NRXN3: variants seen among roughly 807,000 people sequenced by gnomAD.
The protein encoded by NRXN3 is neurexin III.
Under a neutral mutation model 137.6 loss-of-function variants are expected in NRXN3, and 32 were observed. That is an observed-to-expected ratio of 0.23 (90% CI 0.18 to 0.31). The LOEUF (loss-of-function observed/expected upper bound fraction) is 0.31. Among genes scored for constraint, NRXN3 ranks in the 10% least tolerant of loss-of-function variants. The pLI is 1.00. For missense variants in NRXN3, 1,574 were observed against 2,062.5 expected (o/e 0.76, Z 4.59); for synonymous variants, 798 against 784.5 (o/e 1.02, Z -0.29).
intron 17 of NRXN3, among the ~76,000 whole-genome samples, chr14:79,682,830 T>C (rs1449431890): frequency 6.6e-6 from 1 of 152,152 alleles, no homozygotes; most frequent in Non-Finnish European, 1.5e-5. Flanking sequence ...TTTATTTAAT[T>C]ATAAAATGGG....
At chr14:79,826,113 A>G (rs997422343) in intron 20 of NRXN3, among the ~76,000 whole-genome samples, 17 of 151,938 alleles carry the variant, frequency 1.1e-4, no homozygotes, top group African/African-American at 4.1e-4. Context: ...TTCCTGCCTC[A>G]GGCTCCTGAG....
chr14:79,839,812 T>C (rs1054946835), intron 20 of NRXN3, among the ~76,000 whole-genome samples: 2 of 152,200 alleles, frequency 1.3e-5, no homozygotes, highest in African/African-American at 4.8e-5. Context: ...AATCAAATCA[T>C]TCAGACCAAC....
intron 15 of NRXN3, among the ~76,000 whole-genome samples, chr14:79,031,803 T>C (rs990626918): frequency 2.6e-5 from 4 of 152,204 alleles, no homozygotes; most frequent in African/African-American, 4.8e-5. Flanking sequence ...GTTAAAAACA[T>C]GGATCTTCAT....
At chr14:79,813,340 A>G (rs1464473481) in intron 20 of NRXN3, among the ~76,000 whole-genome samples, 1 of 152,152 alleles carries the variant, frequency 6.6e-6, no homozygotes, top group Non-Finnish European at 1.5e-5. Flanking sequence ...ATTCCTGTGT[A>G]TATATATAAA....
chr14:78,583,020 CT>C (rs2097019127), intron 4 of NRXN3, among the ~76,000 whole-genome samples: 1 of 152,134 alleles, frequency 6.6e-6, no homozygotes, highest in Non-Finnish European at 1.5e-5. Flanking sequence ...GAGATCCCAG[CT>C]GCTGACCCTC....
chr14:79,416,627 GT>G (rs1281850983), intron 15 of NRXN3, among the ~76,000 whole-genome samples: 8 of 152,068 alleles, frequency 5.3e-5, no homozygotes, highest in Non-Finnish European at 1.2e-4. Context: ...TGATTTCTCA[GT>G]TCTGTTATTA....
At chr14:78,488,421 G>T (rs913150867) in intron 4 of NRXN3, among the ~76,000 whole-genome samples, 1 of 152,150 alleles carries the variant, frequency 6.6e-6, no homozygotes, top group African/African-American at 2.4e-5. Context: ...CAATTCTAGA[G>T]ATTGCTTTAG....
chr14:79,006,673 C>T (rs999007505), intron 15 of NRXN3, among the ~76,000 whole-genome samples: 2 of 151,782 alleles, frequency 1.3e-5, no homozygotes, highest in Non-Finnish European at 2.9e-5. Flanking sequence ...ATTATTCTAT[C>T]CATTAAAAAA....
rs1035801977 is a variant in NRXN3 at position 78,999,290 on chromosome 14, G to A, written c.3262+11149G>A. On this transcript the variant is annotated intron_variant, in intron 15 of 20. Coordinates refer to ENST00000335750, the MANE Select transcript of NRXN3 (RefSeq NM_001330195.2). Reference sequence around the variant, plus strand: ...TTTTTTGGATATGGAAATTATAAAAGCTCACTGCTGAAAATGTGGAAAACA... The same window carrying A: ...TTTTTTGGATATGGAAATTATAAAAACTCACTGCTGAAAATGTGGAAAACA... 5.9e-5 allele frequency among the ~76,000 whole-genome samples: 9 copies of A among 151,728 alleles called. No individual in the cohort carries two copies. In the East Asian group the frequency reaches 7.8e-4, roughly 13 times the overall value.
intron 15 of NRXN3, among the ~76,000 whole-genome samples, chr14:79,387,229 C>T (rs2094658029): frequency 6.6e-6 from 1 of 152,020 alleles, no homozygotes; most frequent in Non-Finnish European, 1.5e-5. Context: ...TATCCAGAAT[C>T]TACAATGAAC....
chr14:78,838,136 T>C (rs2099002130), intron 10 of NRXN3, among the ~76,000 whole-genome samples: 1 of 152,190 alleles, frequency 6.6e-6, no homozygotes, highest in African/African-American at 2.4e-5. Context: ...TGGAATATAC[T>C]GAACTTTTTA....
chr14:78,673,575 TG>T (rs1441692000), intron 6 of NRXN3, among the ~76,000 whole-genome samples: 1 of 152,206 alleles, frequency 6.6e-6, no homozygotes, highest in Non-Finnish European at 1.5e-5. Flanking sequence ...TACCATAGAC[TG>T]GGTGGCTTAA....
At chr14:79,231,925 A>G (rs2072282212) in intron 15 of NRXN3, among the ~76,000 whole-genome samples, 1 of 152,162 alleles carries the variant, frequency 6.6e-6, no homozygotes, top group South Asian at 2.1e-4. Flanking sequence ...AGGGAAGTTG[A>G]GATTTCAACA....
chr14:79,151,412 C>T (rs2059786310), intron 15 of NRXN3, among the ~76,000 whole-genome samples: 1 of 152,064 alleles, frequency 6.6e-6, no homozygotes, highest in African/African-American at 2.4e-5. Context: ...GCAAGTATGG[C>T]AGGGAGCATC....
intron 10 of NRXN3, among the ~76,000 whole-genome samples, chr14:78,813,578 T>C (rs1159158561): frequency 6.6e-6 from 1 of 152,222 alleles, no homozygotes; most frequent in Admixed American, 6.5e-5. Context: ...ATTATAAGTT[T>C]GTGAACTTTT....
intron 15 of NRXN3, among the ~76,000 whole-genome samples, chr14:79,425,256 C>T (rs1167494377): frequency 6.6e-6 from 1 of 152,124 alleles, no homozygotes; most frequent in Non-Finnish European, 1.5e-5. Flanking sequence ...CAAGAGCATC[C>T]AGAGAGCTAA....
chr14:79,036,443 A>G (rs543250272), intron 15 of NRXN3, among the ~76,000 whole-genome samples: 1 of 152,204 alleles, frequency 6.6e-6, no homozygotes. Context: ...TATGTTCTCC[A>G]TTCATCTCTA....
chr14:78,429,134 G>A (rs2093774702), intron 4 of NRXN3, among the ~76,000 whole-genome samples: 1 of 151,848 alleles, frequency 6.6e-6, no homozygotes, highest in Non-Finnish European at 1.5e-5. Context: ...AGAGTACAGT[G>A]GCATAATCTT....
At position 79,234,299 on chromosome 14, in the gene NRXN3, T is replaced by C. The variant is rs1381621932; in HGVS notation, c.3263-232922T>C. On this transcript the variant is annotated intron_variant, in intron 15 of 20. Transcript: ENST00000335750. ...GGGAACATATTCAATGGTAAATATATATATATATATATATATATATATATA... is the reference window on the plus strand; with the variant it reads ...GGGAACATATTCAATGGTAAATATACATATATATATATATATATATATATA... Among the ~76,000 whole-genome samples, 6 of 11,102 alleles carry C rather than the reference T, an allele frequency of 5.4e-4. No individual in the cohort carries two copies. In the East Asian group the frequency reaches 8.1e-3, roughly 15 times the overall value. 7.3% of individuals were successfully genotyped at this position (11,102 alleles called of 152,430 possible).
Sources: allele counts gnomAD v4.1 joint callset (sites outside exome capture counted in the v4.1 genomes callset), GRCh38; gene constraint gnomAD v4.1.1; transcripts MANE v1.5; gene names NCBI Gene and HGNC (gene_info 2026-07-23, HGNC 2026-07-21).